The following GALNT9 variants were observed in gnomAD, a reference collection of about 807,000 sequenced individuals.
GALNT9 encodes GalNAc transferase 9.
A neutral mutation model predicts 63.1 loss-of-function variants in GALNT9; 47 were observed. That is an observed-to-expected ratio of 0.75 (90% CI 0.59 to 0.95). GALNT9 has a LOEUF of 0.95. GALNT9 is among the 40% of genes least tolerant of loss of function. GALNT9 has a pLI of 0.00. For synonymous variants in GALNT9, 396 were observed against 365.7 expected (o/e 1.08, Z -0.94); for missense variants, 829 against 874.8 (o/e 0.95, Z 0.66).
At chr12:132,301,116 T>G (rs1380215748) in intron 1 of GALNT9, among the ~76,000 whole-genome samples, 1 of 152,280 alleles carries the variant, frequency 6.6e-6, no homozygotes, top group Non-Finnish European at 1.5e-5. Flanking sequence ...AGGCTGAAGT[T>G]TGGGCCCATG....
intron 2 of GALNT9, chr12:132,275,580 C>T (rs1880051496): frequency 6.6e-6 from 1 of 152,296 alleles, no homozygotes; most frequent in African/African-American, 2.4e-5. Flanking sequence ...CTCCCTCCCT[C>T]CTTCTCTGTC....
At position 132,238,760 on chromosome 12, in the gene GALNT9, C is replaced by T. The variant is rs1446264143; in HGVS notation, c.1077+9150G>A. On this transcript the variant is annotated intron_variant, in intron 6 of 10. Coordinates refer to ENST00000328957, the MANE Select transcript of GALNT9 (RefSeq NM_001122636.2). The surrounding 1 kb of genome is among the most constrained non-coding windows in gnomAD (Gnocchi z 6.5). The stretch of plus-strand genomic sequence containing the variant: ...AATGACAGCCTGATTCCTCCGCCCC[C>T]TCATCTGCAGGCCACCCGCCCAGGG... 6.6e-6 allele frequency among the ~76,000 whole-genome samples: 1 copy of T among 152,208 alleles called. No homozygotes were observed. Among genetic ancestry groups the T allele is most frequent in the Non-Finnish European group, 1.5e-5 (1 of 68,036 alleles).
intron 1 of GALNT9, among the ~76,000 whole-genome samples, chr12:132,295,219 C>T (rs1300383490): frequency 1.3e-5 from 2 of 152,224 alleles, no homozygotes; most frequent in East Asian, 3.9e-4. Context: ...GCTCTTCCCA[C>T]CCCCAATGCC....
At chr12:132,218,832 A>G (rs1055944190) in intron 6 of GALNT9, among the ~76,000 whole-genome samples, 1 of 152,160 alleles carries the variant, frequency 6.6e-6, no homozygotes, top group Non-Finnish European at 1.5e-5. Flanking sequence ...CGTTGTCCAG[A>G]CCCTCCCACT....
rs1466356366 is a variant in GALNT9 at position 132,252,349 on chromosome 12, C to T, written c.960-4322G>A. Among the ~76,000 whole-genome samples the T allele has an allele frequency of 1.3e-5, 2 of 152,180 alleles. No homozygotes were observed. The highest frequency in any genetic ancestry group is 2.1e-4 in the South Asian group (1 of 4,822). On this transcript the variant is annotated intron_variant, in intron 5 of 10. Coordinates refer to ENST00000328957, the MANE Select transcript of GALNT9 (RefSeq NM_001122636.2). This position sits in a 1 kb window ranked among gnomAD's most constrained non-coding sequence, Gnocchi z 5.2. Reference sequence around the variant, plus strand: ...TGAAGCCTTCGTGTCTTGCGGACGCCGACACTGACATTTAATGTTATTTAA... The same window carrying T: ...TGAAGCCTTCGTGTCTTGCGGACGCTGACACTGACATTTAATGTTATTTAA...
chr12:132,240,797 C>G (rs1474676258), intron 6 of GALNT9: 5 of 443,798 alleles, frequency 1.1e-5, no homozygotes, highest in African/African-American at 1.0e-4. Flanking sequence ...CATGTTTACA[C>G]ACATGCCACA....
intron 7 of GALNT9, among the ~76,000 whole-genome samples, chr12:132,202,314 C>G (rs899269406): frequency 6.6e-6 from 1 of 152,174 alleles, no homozygotes; most frequent in African/African-American, 2.4e-5. Context: ...TCATGGAAAA[C>G]AAGGCTGTAG....
Position 132,329,321 on chromosome 12 carries a change from G to A in GALNT9, c.-118C>T. Reference sequence around the variant, plus strand: ...CGCCCGGGGCTGCGGGGGCTGCGGGGCTCGGCCGGAGCTGTCCCTTCAGCA... The same window carrying A: ...CGCCCGGGGCTGCGGGGGCTGCGGGACTCGGCCGGAGCTGTCCCTTCAGCA... On this transcript the variant is annotated 5_prime_UTR_variant, in exon 1 of 11. Transcript: ENST00000328957. The A allele has an allele frequency of 2.8e-6, 4 of 1,405,316 alleles. No individual in the cohort carries two copies. The highest frequency in any genetic ancestry group is 2.8e-6 in the Non-Finnish European group (3 of 1,069,112). 87.1% of individuals were successfully genotyped at this position (1,405,316 alleles called of 1,614,324 possible).
chr12:132,292,414 C>T (rs112306070), intron 1 of GALNT9, among the ~76,000 whole-genome samples: 17 of 152,272 alleles, frequency 1.1e-4, no homozygotes, highest in Admixed American at 5.9e-4. Flanking sequence ...ACAGAGATGC[C>T]GAGCCACAGA....
At position 132,196,772 on chromosome 12, in the gene GALNT9, A is replaced by C; in HGVS notation, c.*335T>G. 9.3e-7 allele frequency: 1 copy of C among 1,079,352 alleles called. No homozygotes were observed. Among genetic ancestry groups the C allele is most frequent in the Non-Finnish European group, 1.1e-6 (1 of 888,038 alleles). 66.9% of individuals were successfully genotyped at this position (1,079,352 alleles called of 1,614,324 possible). On this transcript the variant is annotated 3_prime_UTR_variant, in exon 11 of 11. Coordinates refer to ENST00000328957, the MANE Select transcript of GALNT9 (RefSeq NM_001122636.2). ...GCATGGTCCGGGGCTTGGCCTCCCTATGGGGCGTGGGGGGCTGTGGTACAT... is the reference window on the plus strand; with the variant it reads ...GCATGGTCCGGGGCTTGGCCTCCCTCTGGGGCGTGGGGGGCTGTGGTACAT...
chr12:132,251,172 G>A (rs1438671331), intron 5 of GALNT9, among the ~76,000 whole-genome samples: 2 of 152,182 alleles, frequency 1.3e-5, no homozygotes, highest in Non-Finnish European at 2.9e-5. Context: ...AACATCACCC[G>A]AGAGCTTGAT....
At chr12:132,300,325 C>T (rs1881246267) in intron 1 of GALNT9, among the ~76,000 whole-genome samples, 1 of 140,028 alleles carries the variant, frequency 7.1e-6, no homozygotes, top group African/African-American at 2.7e-5. Context: ...TAACTCACTC[C>T]CATAACTAAC....
At position 132,316,090 on chromosome 12, in the gene GALNT9, C is replaced by A. The variant is rs1363023174; in HGVS notation, c.238+12876G>T. Among the ~76,000 whole-genome samples, 1 of 152,170 alleles carries A rather than the reference C, an allele frequency of 6.6e-6. No homozygotes were observed. Among genetic ancestry groups the A allele is most frequent in the East Asian group, 1.9e-4 (1 of 5,176 alleles). Reference sequence around the variant, plus strand: ...GGTTCCGTCATGTTTCCTCATCAGCCTTTCGCCTCCTCTCTCACTGAAAGA... The same window carrying A: ...GGTTCCGTCATGTTTCCTCATCAGCATTTCGCCTCCTCTCTCACTGAAAGA... On this transcript the variant is annotated intron_variant, in intron 1 of 10. Coordinates refer to ENST00000328957, the MANE Select transcript of GALNT9 (RefSeq NM_001122636.2). This position sits in a 1 kb window ranked among gnomAD's most constrained non-coding sequence, Gnocchi z 4.3.
intron 2 of GALNT9, among the ~76,000 whole-genome samples, chr12:132,267,122 C>T (rs999396239): frequency 2.6e-5 from 4 of 152,278 alleles, no homozygotes; most frequent in South Asian, 2.1e-4. Context: ...TGGGAAAAGC[C>T]GGCTTGTCTC....
intron 1 of GALNT9, among the ~76,000 whole-genome samples, chr12:132,304,257 TCACCCGGGCACACCC>T (rs1555244258): frequency 1.7e-5 from 1 of 58,852 alleles, no homozygotes; most frequent in Non-Finnish European, 3.1e-5. Flanking sequence ...AGACACACCC[TCACCCGGGCACACCC>T]TCGCCCGGGC....
rs1555233424 is a variant in GALNT9, at chr12:132,201,109, C to CG, written c.1401+14dup. The CG allele has an allele frequency of 9.9e-6, 16 of 1,610,574 alleles. No individual in the cohort carries two copies. Among genetic ancestry groups the CG allele is most frequent in the Non-Finnish European group, 1.1e-5 (13 of 1,178,084 alleles). On this transcript the variant is annotated intron_variant, in intron 8 of 10. Coordinates refer to ENST00000328957, the MANE Select transcript of GALNT9 (RefSeq NM_001122636.2). Reference sequence around the variant, plus strand: ...AGCCTGTCGGGCCGAACGGGGCCCTCGGGGGAGGTGCTACCTCTCCGTACG... The same window carrying CG: ...AGCCTGTCGGGCCGAACGGGGCCCTCGGGGGGAGGTGCTACCTCTCCGTACG...
intron 2 of GALNT9, chr12:132,274,782 C>T (rs1475020946): frequency 1.3e-5 from 2 of 152,410 alleles, no homozygotes; most frequent in Non-Finnish European, 2.9e-5. Flanking sequence ...CACACATAAG[C>T]AGACACCACA....
At chr12:132,203,276 G>A (rs954194995) in intron 7 of GALNT9, among the ~76,000 whole-genome samples, 14 of 152,146 alleles carry the variant, frequency 9.2e-5, no homozygotes, top group Non-Finnish European at 1.5e-4. Context: ...CCACCACACC[G>A]GGGTGGGTGT....
intron 6 of GALNT9, among the ~76,000 whole-genome samples, chr12:132,206,366 G>T (rs1306101895): frequency 1.3e-5 from 2 of 152,228 alleles, no homozygotes; most frequent in Admixed American, 1.3e-4. Context: ...CACAAAACCA[G>T]CCGGGCACAG....
Sources: allele counts gnomAD v4.1 joint callset (sites outside exome capture counted in the v4.1 genomes callset), GRCh38; gene constraint gnomAD v4.1.1; non-coding constraint Gnocchi (gnomAD v3.1); transcripts MANE v1.5; gene names NCBI Gene and HGNC (gene_info 2026-07-23, HGNC 2026-07-21).